Variants in DYNC2I1 observed in about 807,000 individuals in gnomAD.
DYNC2I1 encodes the protein cytoplasmic dynein 2 intermediate chain 1.
Under a neutral mutation model 133.4 loss-of-function variants are expected in DYNC2I1, and 89 were observed. The ratio of observed to expected loss-of-function variants is 0.67; its 90% confidence interval spans 0.56 to 0.80. DYNC2I1 has a LOEUF of 0.80. DYNC2I1 is among the 30% of genes least tolerant of loss of function. The pLI is 0.00. For missense variants in DYNC2I1, 1,291 were observed against 1,314.5 expected (o/e 0.98, Z 0.28); for synonymous variants, 504 against 484.3 (o/e 1.04, Z -0.54).
Position 158,876,678 on chromosome 7 carries a change from A to G in DYNC2I1, c.560A>G (p.Tyr187Cys). 1.9e-6 allele frequency: 3 copies of G among 1,572,240 alleles called. No homozygotes were observed. The highest frequency in any genetic ancestry group is 2.6e-6 in the Non-Finnish European group (3 of 1,166,650). The change falls in exon 4 of 25, where the codon TAC (tyrosine) becomes TGC (cysteine). Residue 187 changes from tyrosine (Y) to cysteine (C), a missense_variant. Physicochemically the swap from Tyr to Cys is radical, Grantham distance 194 (BLOSUM62 -2). Coordinates refer to ENST00000407559, the MANE Select transcript of DYNC2I1 (RefSeq NM_018051.5). ...GGAGATGAAGATAGAGAAAGAAGAT[A>G]CCGAGAAAGAAAGGTATACGAAGCA... ...ERGDEDRERR[Y>C]RERKLQYGDS...
intron 10 of DYNC2I1, chr7:158,903,255 G>A (rs974356932): frequency 2.6e-5 from 4 of 152,160 alleles, no homozygotes; most frequent in African/African-American, 7.2e-5. Flanking sequence ...ATTTAGAAAT[G>A]TATTTTTTCT....
At chr7:158,937,877 G>A (rs1325819946) in intron 23 of DYNC2I1, among the ~76,000 whole-genome samples, 5 of 152,136 alleles carry the variant, frequency 3.3e-5, no homozygotes, top group Admixed American at 2.6e-4. Flanking sequence ...TCCAGCCTGG[G>A]TGACAGAGTG....
At chr7:158,851,882 C>A (rs1428330872), upstream of DYNC2I1, among the ~76,000 whole-genome samples, 1 of 152,170 alleles carries the variant, frequency 6.6e-6, no homozygotes, top group Non-Finnish European at 1.5e-5. Context: ...AGAATAGGTT[C>A]TTTCTTCTGT....
At chr7:158,947,775 G>A (rs1426568415), downstream of DYNC2I1, among the ~76,000 whole-genome samples, 2 of 152,158 alleles carry the variant, frequency 1.3e-5, no homozygotes, top group East Asian at 3.9e-4. Context: ...GCAGCCTCAC[G>A]GAGGCCAGGG....
chr7:158,877,447 G>T (rs1192883940), intron 4 of DYNC2I1, among the ~76,000 whole-genome samples: 1 of 152,208 alleles, frequency 6.6e-6, no homozygotes, highest in Non-Finnish European at 1.5e-5. Context: ...ATTTCCTTAT[G>T]ATTAATTTCT....
chr7:158,888,019 CTTTTTTTT>C (rs545903783), intron 7 of DYNC2I1, among the ~76,000 whole-genome samples: 2 of 96,598 alleles, frequency 2.1e-5, no homozygotes, highest in African/African-American at 8.7e-5. Context: ...AACCATTGTC[CTTTTTTTT>C]TTTTTTTTTT....
At chr7:158,889,252 TTGTATTTTTAG>T (rs1844945635) in intron 7 of DYNC2I1, among the ~76,000 whole-genome samples, 1 of 152,054 alleles carries the variant, frequency 6.6e-6, no homozygotes, top group Admixed American at 6.6e-5. Context: ...GGCTAATTTT[TTGTATTTTTAG>T]TGGAGACAGG....
chr7:158,952,453 C>T (rs980597311), intron 4 of DYNC2I1, among the ~76,000 whole-genome samples: 36 of 152,298 alleles, frequency 2.4e-4, no homozygotes, highest in Non-Finnish European at 4.9e-4. Flanking sequence ...AAGGCCTCTT[C>T]CGTGGCTGAG....
rs373158735 is a variant in DYNC2I1, at chr7:158,885,321, A to G, written c.935+702A>G. Among the ~76,000 whole-genome samples the G allele has an allele frequency of 2.3e-3, 345 of 150,984 alleles. 1 individual carries two copies. The highest frequency in any genetic ancestry group is 8.2e-3 in the African/African-American group (336 of 41,030). On this transcript the variant is annotated intron_variant, in intron 6 of 24. Transcript: ENST00000407559. The stretch of plus-strand genomic sequence containing the variant: ...CTGTCTCGTGTGGGTTTTGCAATAC[A>G]TAATTGGAGTTTATGTATAAACTCT...
intron 1 of DYNC2I1, among the ~76,000 whole-genome samples, chr7:158,863,789 G>C (rs1453371684): frequency 7.8e-6 from 1 of 128,270 alleles, no homozygotes; most frequent in Non-Finnish European, 1.7e-5. Context: ...TGGGGGCGGG[G>C]GGGAGCGGGA....
At chr7:158,848,130 A>G in the DYNC2I1 span, among the ~76,000 whole-genome samples, 1 of 152,324 alleles carries the variant, frequency 6.6e-6, no homozygotes, top group South Asian at 2.1e-4. Context: ...ATCCAATTGC[A>G]CAAGAGGTTA....
intron 23 of DYNC2I1, among the ~76,000 whole-genome samples, chr7:158,938,445 C>T (rs1850987940): frequency 1.3e-5 from 2 of 152,174 alleles, no homozygotes; most frequent in South Asian, 4.1e-4. Context: ...TCACCATCCT[C>T]AGACCCATCT....
At chr7:158,954,557 A>G (rs1852150577) in intron 4 of DYNC2I1, among the ~76,000 whole-genome samples, 1 of 152,188 alleles carries the variant, frequency 6.6e-6, no homozygotes, top group South Asian at 2.1e-4. Context: ...CTGAGGTGGG[A>G]GAATTGCTTG....
chr7:158,843,423 A>AT, the DYNC2I1 span, among the ~76,000 whole-genome samples: 969 of 151,834 alleles, frequency 6.4e-3, 13 homozygotes, highest in African/African-American at 0.022. Context: ...ACAACGCCTA[A>AT]TTTTTTTTGT....
intron 11 of DYNC2I1, among the ~76,000 whole-genome samples, chr7:158,909,323 T>C: frequency 9.2e-6 from 1 of 108,536 alleles, no homozygotes; most frequent in Admixed American, 1.2e-4. Context: ...AGAGCAAGAC[T>C]CTGTCTCAAA....
the DYNC2I1 span, among the ~76,000 whole-genome samples, chr7:158,843,523 G>A: frequency 1.3e-5 from 2 of 152,076 alleles, no homozygotes; most frequent in African/African-American, 4.8e-5. Flanking sequence ...GCCTCCTGAA[G>A]TGCTAGGATT....
the DYNC2I1 span, among the ~76,000 whole-genome samples, chr7:158,841,917 G>A: frequency 6.6e-6 from 1 of 152,224 alleles, no homozygotes; most frequent in Non-Finnish European, 1.5e-5. Flanking sequence ...GAAGTCCTCT[G>A]ATGGGAGCTT....
chr7:158,907,662 T>A (rs1017654823), intron 11 of DYNC2I1, among the ~76,000 whole-genome samples: 1 of 152,162 alleles, frequency 6.6e-6, no homozygotes, highest in Non-Finnish European at 1.5e-5. Context: ...CAGGCTGGAA[T>A]GCAGTGGCAT....
intron 24 of DYNC2I1, among the ~76,000 whole-genome samples, chr7:158,944,412 T>C (rs139375484): frequency 6.6e-6 from 1 of 152,292 alleles, no homozygotes; most frequent in East Asian, 1.9e-4. Context: ...AGGGACTGTT[T>C]TATTTGCCCG....
Sources: allele counts gnomAD v4.1 joint callset (sites outside exome capture counted in the v4.1 genomes callset), GRCh38; gene constraint gnomAD v4.1.1; transcripts MANE v1.5; gene names NCBI Gene and HGNC (gene_info 2026-07-23, HGNC 2026-07-21).